NOS1: variants seen among roughly 807,000 people sequenced by gnomAD.
NOS1 encodes nitric oxide synthase 1, also known as NOS type I.
NOS1 carries 51 observed loss-of-function variants against 164.5 expected under a neutral mutation model. That is an observed-to-expected ratio of 0.31 (90% CI 0.25 to 0.39). The LOEUF (loss-of-function observed/expected upper bound fraction) is 0.39. NOS1 is among the 10% of genes least tolerant of loss of function. The pLI is 1.00. For missense variants in NOS1, 1,362 were observed against 1,885.6 expected, an observed-to-expected ratio of 0.72 and a Z score of 5.14; for synonymous variants, 719 against 745.8, an observed-to-expected ratio of 0.96 and a Z score of 0.59.
chr12:117,257,774 G>A (rs564072202), intron 16 of NOS1, among the ~76,000 whole-genome samples: 5 of 150,442 alleles, frequency 3.3e-5, no homozygotes, highest in Non-Finnish European at 7.4e-5. Flanking sequence ...GGTTCTCAAA[G>A]AGGGAAAAAG....
intron 3 of NOS1, among the ~76,000 whole-genome samples, chr12:117,299,326 T>C (rs1873639296): frequency 6.6e-6 from 1 of 152,214 alleles, no homozygotes; most frequent in Non-Finnish European, 1.5e-5. Context: ...ATTCGTTCCT[T>C]AAGATAACTC....
At chr12:117,342,683 G>C (rs1876169781) in intron 1 of NOS1, among the ~76,000 whole-genome samples, 1 of 152,100 alleles carries the variant, frequency 6.6e-6, no homozygotes, top group Non-Finnish European at 1.5e-5. Flanking sequence ...AGCATTGGAG[G>C]GTTTTGAGAC....
Position 117,234,494 on chromosome 12 carries a change from G to T in NOS1, c.3235+71C>A. The stretch of plus-strand genomic sequence containing the variant: ...CTGGACTGGTGATTGGGAAGAAAAG[G>T]TATCTTCTTCCCGAGACACCCACTG... On this transcript the variant is annotated intron_variant, in intron 21 of 28. Transcript: ENST00000317775. The surrounding 1 kb of genome is among the most constrained non-coding windows in gnomAD (Gnocchi z 4.3). 1.4e-6 allele frequency: 2 copies of T among 1,478,614 alleles called. No individual in the cohort carries two copies. The highest frequency in any genetic ancestry group is 1.9e-6 in the Non-Finnish European group (2 of 1,079,928). The allele number at this position is 1,478,614 out of a possible 1,614,324, so 91.6% of individuals were successfully genotyped here. A position where few individuals can be genotyped will look rare whatever the true frequency, so the allele number is the denominator to read the frequency against.
At chr12:117,359,876 T>TTATATATATATATATA (rs56787288) in intron 1 of NOS1, among the ~76,000 whole-genome samples, 1 of 36,950 alleles carries the variant, frequency 2.7e-5, no homozygotes, top group Admixed American at 3.9e-4. Context: ...AATAATGGTT[T>TTATATATATATATATA]TATATATATA....
intron 16 of NOS1, chr12:117,255,998 A>G (rs1456456531): frequency 1.4e-6 from 2 of 1,472,772 alleles, no homozygotes; most frequent in South Asian, 1.5e-5. Context: ...TGGGGAGGGG[A>G]GGCCCTTTAC....
chr12:117,307,559 G>T lies in NOS1; in HGVS notation c.852+3907C>A, dbSNP rs1401406292. 2.0e-5 allele frequency among the ~76,000 whole-genome samples: 3 copies of T among 152,006 alleles called. No individual in the cohort carries two copies. The South Asian group carries it at 6.2e-4, about 32-fold the overall frequency. Reference sequence around the variant, plus strand: ...ATACTCTCTTTTTTGTAGAGACGGGGTTTTGCTATGTTGCCCAGGCTGGTC... The same window carrying T: ...ATACTCTCTTTTTTGTAGAGACGGGTTTTTGCTATGTTGCCCAGGCTGGTC... On this transcript the variant is annotated intron_variant, in intron 3 of 28. Transcript: ENST00000317775.
intron 25 of NOS1, among the ~76,000 whole-genome samples, chr12:117,223,948 C>T (rs1200003253): frequency 6.6e-6 from 1 of 152,194 alleles, no homozygotes; most frequent in African/African-American, 2.4e-5. Flanking sequence ...GCCACCGCAC[C>T]CAGCCACGAT....
At position 117,330,811 on chromosome 12, in the gene NOS1, T is replaced by C; in HGVS notation, c.259A>G (p.Ile87Val). Residue 87 changes from isoleucine to valine, a missense_variant, in exon 2 of 29, where the codon ATT becomes GTT. Around this residue, in one of 4 missense-constraint regions of NOS1, gnomAD observed 362 missense variants for 402.0 expected, o/e 0.90. Coordinates refer to ENST00000317775, the MANE Select transcript of NOS1 (RefSeq NM_000620.5). This position sits in a 1 kb window ranked among gnomAD's most constrained non-coding sequence, Gnocchi z 4.6. ...YDSALEVLRG[I>V]ASETHVVLIL... The stretch of plus-strand genomic sequence containing the variant: ...AGGACCACGTGGGTCTCAGAGGCAA[T>C]GCCTCTGAGTACCTCCAGGGCGCTG... The C allele has an allele frequency of 1.2e-6, 2 of 1,614,034 alleles. No homozygotes were observed. The highest frequency in any genetic ancestry group is 1.7e-6 in the Non-Finnish European group (2 of 1,179,992).
chr12:117,265,311 A>G lies in NOS1; in HGVS notation c.2136+5T>C. On this transcript the variant is annotated splice_donor_5th_base_variant and intron_variant, in intron 12 of 28. Transcript: ENST00000317775. ...ATATGAAAAGAGGCAGGGACAGGGAAGGACCTGGTATTCGAAGGAGGGGGT... is the reference window on the plus strand; with the variant it reads ...ATATGAAAAGAGGCAGGGACAGGGAGGGACCTGGTATTCGAAGGAGGGGGT... 6.5e-7 allele frequency: 1 copy of G among 1,537,560 alleles called. No homozygotes were observed.
rs909545991 is a variant in NOS1 at position 117,356,488 on chromosome 12, C to T, written c.-421+5024G>A. On this transcript the variant is annotated intron_variant, in intron 1 of 28. Transcript: ENST00000317775. The surrounding 1 kb of genome is among the most constrained non-coding windows in gnomAD (Gnocchi z 4.2). The stretch of plus-strand genomic sequence containing the variant: ...CTCCACCTCTCTTGCAGAAACTTCA[C>T]GCCAGGTACAGGGTTTGTCTGGTGC... Among the ~76,000 whole-genome samples the T allele has an allele frequency of 2.0e-5, 3 of 152,344 alleles. No individual in the cohort carries two copies. Among genetic ancestry groups the T allele is most frequent in the Non-Finnish European group, 2.9e-5 (2 of 68,038 alleles).
At chr12:117,245,872 T>C (rs1169304001) in intron 18 of NOS1, 1 of 152,336 alleles carries the variant, frequency 6.6e-6, no homozygotes, top group African/African-American at 2.4e-5. Flanking sequence ...GAGCCAACAT[T>C]GTGTCACTGC....
intron 14 of NOS1, among the ~76,000 whole-genome samples, chr12:117,259,597 A>G (rs1871723268): frequency 6.6e-6 from 1 of 152,158 alleles, no homozygotes; most frequent in South Asian, 2.1e-4. Context: ...AACAAGTCTG[A>G]GATATCTGCC....
intron 1 of NOS1, among the ~76,000 whole-genome samples, chr12:117,349,090 A>G (rs1712572488): frequency 6.6e-6 from 1 of 152,256 alleles, no homozygotes; most frequent in South Asian, 2.1e-4. Flanking sequence ...AAGTTTTTCA[A>G]AAAATGAGTA....
At position 117,280,886 on chromosome 12, in the gene NOS1, A is replaced by T; in HGVS notation, c.1383-20T>A. The T allele has an allele frequency of 1.2e-6, 2 of 1,612,078 alleles. No homozygotes were observed. The highest frequency in any genetic ancestry group is 1.7e-6 in the Non-Finnish European group (2 of 1,178,758). On this transcript the variant is annotated intron_variant, in intron 7 of 28. Transcript: ENST00000317775. ...GCAGACCTGTGGTGGAGAGAGGGGA[A>T]CACCCGGCATCAGGGCGGGACTTGC...
At chr12:117,231,741 G>A (rs1869251973) in intron 22 of NOS1, among the ~76,000 whole-genome samples, 1 of 152,152 alleles carries the variant, frequency 6.6e-6, no homozygotes, top group African/African-American at 2.4e-5. Flanking sequence ...TTGTAGCCAG[G>A]GAACTGTTGA....
intron 1 of NOS1, among the ~76,000 whole-genome samples, chr12:117,359,595 C>T (rs1158144533): frequency 1.3e-5 from 2 of 152,032 alleles, no homozygotes; most frequent in Non-Finnish European, 2.9e-5. Context: ...TCGCCTGCAC[C>T]GCACCCTTGC....
intron 20 of NOS1, among the ~76,000 whole-genome samples, chr12:117,238,481 C>G (rs547459419): frequency 6.6e-6 from 1 of 152,030 alleles, no homozygotes; most frequent in Non-Finnish European, 1.5e-5. Flanking sequence ...TCCAGGACCC[C>G]TCTGTGCAGC....
intron 3 of NOS1, 31 bp downstream of exon 3, chr12:117,311,435 C>T: frequency 6.3e-7 from 1 of 1,575,084 alleles, no homozygotes; most frequent in South Asian, 1.2e-5. Flanking sequence ...GCGTGGGAAG[C>T]AGTGGTACCA....
intron 4 of NOS1, among the ~76,000 whole-genome samples, chr12:117,288,451 C>T (rs1872849833): frequency 6.6e-6 from 1 of 152,148 alleles, no homozygotes; most frequent in Non-Finnish European, 1.5e-5. Flanking sequence ...ATCTTGGGAA[C>T]AGAAGCTTTT....
Sources: gnomAD v4.1 joint callset for allele counts (sites outside exome capture counted in the v4.1 genomes callset) on GRCh38, gnomAD v4.1.1 for gene constraint, gnomAD v4.1.1 regional missense constraint, Gnocchi (gnomAD v3.1) non-coding constraint, MANE v1.5 for transcripts, NCBI Gene and HGNC (gene_info 2026-07-23, HGNC 2026-07-21) for gene names.